GBF1: variants seen among roughly 807,000 people sequenced by gnomAD.
GBF1 encodes the protein golgi brefeldin A resistant guanine nucleotide exchange factor 1.
GBF1 carries 114 observed loss-of-function variants against 210.5 expected under a neutral mutation model. The ratio of observed to expected loss-of-function variants is 0.54; its 90% CI spans 0.47 to 0.63. The LOEUF (loss-of-function observed/expected upper bound fraction) is 0.63, where lower values mean the gene tolerates loss of function less well. GBF1 is among the 30% of genes least tolerant of loss of function. The probability of loss-of-function intolerance (pLI) is 0.00; values close to 1 mark genes in which losing one functional copy is unlikely to be tolerated. For missense variants in GBF1, 1,851 were observed against 2,357.7 expected (o/e 0.79, Z 4.45); for synonymous variants, 850 against 889.2 (o/e 0.96, Z 0.78).
rs1465696512 is a variant in GBF1 at position 102,359,274 on chromosome 10, G to A, written c.1019G>A (p.Gly340Glu). Reference sequence around the variant, plus strand: ...CCCTGCTACTGGTCATAGCAGGAAGGGACCCATGTGGAAAAGTCCCAGTCA... The same window carrying A: ...CCCTGCTACTGGTCATAGCAGGAAGAGACCCATGTGGAAAAGTCCCAGTCA... ...VPEQPDLQQE[G>E]THVEKSQSAS... is the part of the protein sequence containing the mutation. Residue 340 changes from glycine to glutamate, a missense_variant, in exon 11 of 40, where the codon GGG (glycine) becomes GAG (glutamate). Gly to Glu is a moderately conservative substitution (Grantham distance 98). Transcript: ENST00000369983. The A allele has an allele frequency of 6.2e-7, 1 of 1,610,360 alleles. No homozygotes were observed. Among genetic ancestry groups the A allele is most frequent in the Non-Finnish European group, 8.5e-7 (1 of 1,176,754 alleles).
chr10:102,294,559 T>C (rs2076761470), intron 3 of GBF1, among the ~76,000 whole-genome samples: 1 of 151,812 alleles, frequency 6.6e-6, no homozygotes, highest in Non-Finnish European at 1.5e-5. Flanking sequence ...TTTTTTGTAT[T>C]TTTAGTAGAG....
intron 8 of GBF1, among the ~76,000 whole-genome samples, 180 bp from the exon 9 acceptor site, chr10:102,357,859 G>C (rs559889520): frequency 5.3e-5 from 8 of 152,268 alleles, no homozygotes; most frequent in African/African-American, 1.9e-4. Context: ...CCTGTGAAGT[G>C]GTAAATGTAG....
chr10:102,261,784 A>G (rs772031), intron 3 of GBF1, among the ~76,000 whole-genome samples: 133,829 of 151,872 alleles, frequency 0.88, 59,184 homozygotes, highest in African/African-American at 0.96. Context: ...ACCACACCCG[A>G]CTAATTTTTG....
At chr10:102,279,418 A>C (rs2075287150) in intron 3 of GBF1, among the ~76,000 whole-genome samples, 1 of 152,188 alleles carries the variant, frequency 6.6e-6, no homozygotes, top group African/African-American at 2.4e-5. Context: ...CTATGAATTC[A>C]TCATTATATT....
chr10:102,243,608 C>G (rs2070594508), upstream of GBF1, among the ~76,000 whole-genome samples: 1 of 152,180 alleles, frequency 6.6e-6, no homozygotes, highest in Non-Finnish European at 1.5e-5. Context: ...CAGGACCTCT[C>G]AATCTGAGAC....
chr10:102,366,600 T>G lies in GBF1; in HGVS notation c.2433+94T>G. ...CTGCTGTCTCTTTTTTTTTTTTTTT[T>G]TTTTGAGACAGAGTCTCGCTCTGTC... On this transcript the variant is annotated intron_variant, in intron 19 of 39. Coordinates refer to ENST00000369983, the MANE Select transcript of GBF1 (RefSeq NM_001377137.1). The surrounding 1 kb of genome is among the most constrained non-coding windows in gnomAD (Gnocchi z 4.0). 2.5e-6 allele frequency: 3 copies of G among 1,221,372 alleles called. No homozygotes were observed. Among genetic ancestry groups the G allele is most frequent in the Non-Finnish European group, 3.4e-6 (3 of 879,368 alleles). 75.7% of individuals were successfully genotyped at this position (1,221,372 alleles called of 1,614,324 possible). A position where few individuals can be genotyped will look rare whatever the true frequency, so the allele number is the denominator to read the frequency against.
chr10:102,376,707 T>A lies in GBF1; in HGVS notation c.4195T>A (p.Phe1399Ile). 1 of 1,613,454 alleles carries A rather than the reference T, an allele frequency of 6.2e-7. No homozygotes were observed. Among genetic ancestry groups the A allele is most frequent in the Non-Finnish European group, 8.5e-7 (1 of 1,179,896 alleles). ...GCTTAAGTGTGTGGAATCGCTGTCC[T>A]TCATTGTGCGTGATGCTGCCCACAT... ...SLLKCVESLS[F>I]IVRDAAHITP... The change falls in exon 32 of 40, where the codon TTC becomes ATC. Residue 1399 changes from phenylalanine (F) to isoleucine (I), a missense_variant. Physicochemically the swap from Phe to Ile is conservative, Grantham distance 21. Around this residue, in one of 3 missense-constraint regions of GBF1, gnomAD observed 967 missense variants for 1,247.7 expected, o/e 0.78. Coordinates refer to ENST00000369983, the MANE Select transcript of GBF1 (RefSeq NM_001377137.1).
chr10:102,295,572 A>G (rs1268916907), intron 3 of GBF1, among the ~76,000 whole-genome samples: 3 of 152,242 alleles, frequency 2.0e-5, no homozygotes, highest in Non-Finnish European at 4.4e-5. Context: ...CTTCAAAACA[A>G]TATGGGAATA....
chr10:102,355,133 G>T (rs967688441), intron 8 of GBF1, among the ~76,000 whole-genome samples: 1 of 152,138 alleles, frequency 6.6e-6, no homozygotes, highest in Non-Finnish European at 1.5e-5. Context: ...ACCTGCCTTA[G>T]GAAGAAAGGG....
chr10:102,314,036 TG>T (rs2078714188), intron 3 of GBF1, among the ~76,000 whole-genome samples: 1 of 152,008 alleles, frequency 6.6e-6, no homozygotes, highest in Non-Finnish European at 1.5e-5. Context: ...AATCCAGTTC[TG>T]TGCATGTAAA....
chr10:102,350,544 G>T (rs1488468524), intron 4 of GBF1, among the ~76,000 whole-genome samples: 2 of 152,072 alleles, frequency 1.3e-5, no homozygotes, highest in Non-Finnish European at 2.9e-5. Context: ...GGCCCTACCT[G>T]GTTCTTGTTC....
At position 102,363,940 on chromosome 10, in the gene GBF1, C is replaced by G; in HGVS notation, c.2106+142C>G. On this transcript the variant is annotated intron_variant, in intron 17 of 39. Transcript: ENST00000369983. This position sits in a 1 kb window ranked among gnomAD's most constrained non-coding sequence, Gnocchi z 4.2. ...CCAGTCTTTGGGCTTGTTGGGACTT[C>G]AGCAACTCCCATTTGAAGCCCTTCC... is the stretch of plus-strand genomic sequence containing the variant. The G allele has an allele frequency of 1.7e-6, 1 of 597,892 alleles. No individual in the cohort carries two copies. The highest frequency in any genetic ancestry group is 2.0e-5 in the South Asian group (1 of 50,354). The allele number at this position is 597,892 out of a possible 1,614,324, so 37.0% of individuals were successfully genotyped here.
intron 3 of GBF1, among the ~76,000 whole-genome samples, chr10:102,270,248 C>T (rs1385703193): frequency 2.0e-5 from 3 of 151,908 alleles, no homozygotes; most frequent in African/African-American, 7.3e-5. Context: ...TGGCTCACTG[C>T]AACCTCCGCC....
intron 30 of GBF1, 152 bp downstream of exon 30, chr10:102,375,736 T>A: frequency 1.6e-6 from 1 of 616,594 alleles, no homozygotes; most frequent in Non-Finnish European, 2.9e-6. Flanking sequence ...GCCCGCTGGC[T>A]AGTACCCATA....
At chr10:102,370,105 T>G in intron 26 of GBF1, 69 bp from the exon 27 acceptor site, 1 of 1,502,216 alleles carries the variant, frequency 6.7e-7, no homozygotes, top group Non-Finnish European at 9.3e-7. Flanking sequence ...CCTCTCCCCC[T>G]GGCTCTTGGG....
At chr10:102,292,837 A>G (rs930726827) in intron 3 of GBF1, among the ~76,000 whole-genome samples, 1 of 152,196 alleles carries the variant, frequency 6.6e-6, no homozygotes, top group Non-Finnish European at 1.5e-5. Context: ...AGAGGTAAAT[A>G]TACACAGTCT....
At chr10:102,315,975 C>G (rs1280400943) in intron 3 of GBF1, among the ~76,000 whole-genome samples, 2 of 151,858 alleles carry the variant, frequency 1.3e-5, no homozygotes, top group Non-Finnish European at 2.9e-5. Flanking sequence ...AATACTAATA[C>G]TAGTAATAGT....
rs558299576 is a variant in GBF1, at chr10:102,360,958, G to C, written c.1393-64G>C. The C allele has an allele frequency of 4.7e-5, 39 of 832,410 alleles. No individual in the cohort carries two copies. The East Asian group carries it at 9.6e-4, about 20-fold the overall frequency. 51.6% of individuals were successfully genotyped at this position (832,410 alleles called of 1,614,324 possible). A position where few individuals can be genotyped will look rare whatever the true frequency, so the allele number is the denominator to read the frequency against. ...CCACTGCACTCCAGCGTGGGCAACA[G>C]AGTGAAACTCCGCCTCAAAAAAAAA... On this transcript the variant is annotated intron_variant, in intron 12 of 39. Coordinates refer to ENST00000369983, the MANE Select transcript of GBF1 (RefSeq NM_001377137.1).
upstream of GBF1, among the ~76,000 whole-genome samples, chr10:102,244,460 C>T (rs565010989): frequency 4.6e-5 from 7 of 152,350 alleles, no homozygotes; most frequent in African/African-American, 1.7e-4. Context: ...CCAGGTAATA[C>T]AGGTAATTCT....
Sources: gnomAD v4.1 joint callset for allele counts (sites outside exome capture counted in the v4.1 genomes callset) on GRCh38, gnomAD v4.1.1 for gene constraint, gnomAD v4.1.1 regional missense constraint, Gnocchi (gnomAD v3.1) non-coding constraint, MANE v1.5 for transcripts, NCBI Gene and HGNC (gene_info 2026-07-23, HGNC 2026-07-21) for gene names.